The following SYT14 variants were observed in gnomAD, a reference collection of about 807,000 sequenced individuals.
SYT14 encodes the protein synaptotagmin 14.
SYT14 carries 32 observed loss-of-function variants against 74.2 expected under a neutral mutation model. The observed-to-expected ratio is 0.43, with a 90% CI of 0.33 to 0.58. SYT14 has a LOEUF of 0.58. SYT14 is among the 20% of genes least tolerant of loss of function. The pLI, the probability that SYT14 is intolerant of heterozygous loss-of-function variation, is 0.05. For missense variants in SYT14, 791 were observed against 981.8 expected (o/e 0.81, Z 2.60); for synonymous variants, 298 against 337.7 (o/e 0.88, Z 1.29).
exon 10 of SYT14, chr1:210,167,520 C>T (rs913684056): frequency 6.6e-6 from 1 of 152,154 alleles, no homozygotes; most frequent in Non-Finnish European, 1.5e-5. Context: ...ATTTTCTTCT[C>T]TGATGTAATA....
chr1:209,949,315 C>T (rs1008590835), intron 1 of SYT14, among the ~76,000 whole-genome samples: 3 of 152,094 alleles, frequency 2.0e-5, no homozygotes, highest in Non-Finnish European at 2.9e-5. Flanking sequence ...TGGCTCATGC[C>T]TGTAATCCTA....
intron 7 of SYT14, among the ~76,000 whole-genome samples, chr1:210,150,159 G>A (rs2083129694): frequency 6.6e-6 from 1 of 152,066 alleles, no homozygotes; most frequent in African/African-American, 2.4e-5. Flanking sequence ...CAGAGCTGCC[G>A]GCAACTAGGA....
chr1:210,000,466 G>GCGCGCACACA (rs1553264180), intron 2 of SYT14, among the ~76,000 whole-genome samples: 2 of 143,200 alleles, frequency 1.4e-5, no homozygotes, highest in African/African-American at 5.3e-5. Flanking sequence ...GTCCTCATAC[G>GCGCGCACACA]CACACACACA....
intron 7 of SYT14, among the ~76,000 whole-genome samples, chr1:210,125,023 A>G (rs1572344445): frequency 6.6e-6 from 1 of 152,248 alleles, no homozygotes; most frequent in East Asian, 1.9e-4. Context: ...CAGGCAGGCA[A>G]GTTCAAACGA....
In SYT14 at chr1:210,099,826, T is replaced by A. The variant is rs1041767437; in HGVS notation, c.1585-186T>A. Among the ~76,000 whole-genome samples, 11 of 152,362 alleles carry A rather than the reference T, an allele frequency of 7.2e-5. No individual in the cohort carries two copies. The South Asian group carries it at 1.0e-3, about 14-fold the overall frequency. On this transcript the variant is annotated intron_variant, in intron 6 of 9. Coordinates refer to ENST00000637265, the Ensembl canonical transcript of SYT14. ...ATTATCATAAGTTTTGAATTTAACT[T>A]ACTGCCTGTACTAATCTCGCTCTAT...
intron 5 of SYT14, among the ~76,000 whole-genome samples, chr1:210,090,823 C>T (rs2102514340): frequency 6.6e-6 from 1 of 152,090 alleles, no homozygotes; most frequent in East Asian, 1.9e-4. Flanking sequence ...TCTTAGTACA[C>T]TATGTAGAAT....
chr1:210,031,747 T>C (rs1014572746), intron 5 of SYT14, among the ~76,000 whole-genome samples: 3 of 152,114 alleles, frequency 2.0e-5, no homozygotes, highest in Admixed American at 2.0e-4. Flanking sequence ...CCAGTTGTGG[T>C]GGAGATTGCT....
At chr1:210,100,367 A>C (rs1312376651) in exon 7 of SYT14, 14 of 1,613,912 alleles carry the variant, frequency 8.7e-6, no homozygotes, top group African/African-American at 1.3e-5. Flanking sequence ...AAAAAAGAAA[A>C]GATTGTGGGG....
intron 5 of SYT14, among the ~76,000 whole-genome samples, chr1:210,068,621 AATTAT>A (rs1374718655): frequency 1.3e-5 from 2 of 151,562 alleles, no homozygotes; most frequent in Non-Finnish European, 3.0e-5. Flanking sequence ...AGTTTTGGTA[AATTAT>A]ATTTTTCCAA....
chr1:209,981,549 T>G (rs774195666), intron 2 of SYT14, among the ~76,000 whole-genome samples: 1 of 151,106 alleles, frequency 6.6e-6, no homozygotes, highest in Non-Finnish European at 1.5e-5. Flanking sequence ...CTTCTGTGCT[T>G]AGGCAGTCCT....
intron 2 of SYT14, among the ~76,000 whole-genome samples, chr1:210,009,485 T>G (rs1449409163): frequency 6.6e-6 from 1 of 152,104 alleles, no homozygotes; most frequent in East Asian, 1.9e-4. Flanking sequence ...ATATTTCACC[T>G]TTTCCTAGTG....
intron 7 of SYT14, among the ~76,000 whole-genome samples, chr1:210,108,831 A>G (rs1296060229): frequency 2.0e-5 from 3 of 152,172 alleles, no homozygotes; most frequent in Non-Finnish European, 4.4e-5. Flanking sequence ...GGATATCAAG[A>G]AAGAGTTGTG....
chr1:209,992,481 G>A (rs1213723083), intron 2 of SYT14, among the ~76,000 whole-genome samples: 1 of 152,150 alleles, frequency 6.6e-6, no homozygotes, highest in African/African-American at 2.4e-5. Context: ...GATAAATAAT[G>A]TGTACACATG....
chr1:209,981,588 C>G (rs1397798915), intron 2 of SYT14, among the ~76,000 whole-genome samples: 1 of 151,302 alleles, frequency 6.6e-6, no homozygotes, highest in Non-Finnish European at 1.5e-5. Context: ...GTAGCTGGGA[C>G]TACAGGTGTG....
At chr1:210,111,370 C>T (rs913677234) in intron 7 of SYT14, among the ~76,000 whole-genome samples, 1 of 151,684 alleles carries the variant, frequency 6.6e-6, no homozygotes, top group African/African-American at 2.4e-5. Flanking sequence ...AGGCAGGAAC[C>T]GGCCATTTTC....
At chr1:210,029,267 T>C (rs12073806) in intron 5 of SYT14, among the ~76,000 whole-genome samples, 19,843 of 152,172 alleles carry the variant, frequency 0.13, 4,073 homozygotes, top group African/African-American at 0.44. Flanking sequence ...CAAAATGTTT[T>C]AATTTTCATG....
chr1:209,982,681 T>C (rs2079507402), intron 2 of SYT14, among the ~76,000 whole-genome samples: 2 of 152,242 alleles, frequency 1.3e-5, no homozygotes, highest in African/African-American at 4.8e-5. Context: ...TTTGTGTGGA[T>C]GTAAGTTTTC....
At chr1:209,946,057 T>C (rs1034297431) in intron 1 of SYT14, among the ~76,000 whole-genome samples, 2 of 152,210 alleles carry the variant, frequency 1.3e-5, no homozygotes, top group Non-Finnish European at 2.9e-5. Context: ...TTGTAATTGT[T>C]TTGGGCGCTA....
chr1:210,078,106 C>G (rs1007245475), intron 5 of SYT14, among the ~76,000 whole-genome samples: 2 of 151,870 alleles, frequency 1.3e-5, no homozygotes, highest in Admixed American at 6.6e-5. Flanking sequence ...GTCAAGAGAT[C>G]GAGACCATCC....
Sources: allele counts gnomAD v4.1 joint callset (sites outside exome capture counted in the v4.1 genomes callset), GRCh38; gene constraint gnomAD v4.1.1; transcripts MANE v1.5; gene names NCBI Gene and HGNC (gene_info 2026-07-23, HGNC 2026-07-21).